Variants in STXBP4 observed in about 807,000 individuals in gnomAD.
STXBP4 encodes syntaxin-binding protein 4.
STXBP4 carries 55 observed loss-of-function variants against 76.1 expected under a neutral mutation model. The observed-to-expected ratio is 0.72, with a 90% CI of 0.58 to 0.91. The LOEUF is 0.91. Among genes scored for constraint, STXBP4 ranks in the 40% least tolerant of loss-of-function variants. The pLI is 0.00. For synonymous variants in STXBP4, 201 were observed against 220.2 expected (o/e 0.91, Z 0.77); for missense variants, 618 against 636.9 (o/e 0.97, Z 0.32).
intron 1 of STXBP4, among the ~76,000 whole-genome samples, chr17:54,981,977 A>G (rs1238108178): frequency 6.6e-6 from 1 of 152,226 alleles, no homozygotes; most frequent in African/African-American, 2.4e-5. Context: ...ATTTTCATCA[A>G]TAAAACTGGC....
At chr17:55,068,452 A>G (rs990446482) in intron 12 of STXBP4, among the ~76,000 whole-genome samples, 9 of 152,140 alleles carry the variant, frequency 5.9e-5, no homozygotes, top group African/African-American at 2.2e-4. Flanking sequence ...TCCTTCTACT[A>G]TAGGGAGCCA....
chr17:55,147,956 A>C (rs2080175380), intron 17 of STXBP4, among the ~76,000 whole-genome samples: 1 of 152,202 alleles, frequency 6.6e-6, no homozygotes, highest in Non-Finnish European at 1.5e-5. Context: ...TCTAGAGTGT[A>C]TTGCTAGCAC....
chr17:55,038,388 A>G (rs1360230942), intron 10 of STXBP4, among the ~76,000 whole-genome samples: 1 of 152,060 alleles, frequency 6.6e-6, no homozygotes, highest in African/African-American at 2.4e-5. Flanking sequence ...TTCATAATAA[A>G]TAGAATTATA....
chr17:55,050,576 A>T (rs1598266125), intron 12 of STXBP4, among the ~76,000 whole-genome samples: 1 of 152,304 alleles, frequency 6.6e-6, no homozygotes, highest in East Asian at 1.9e-4. Context: ...GAGAATGAAC[A>T]TCATCAGACA....
Position 55,166,896 on chromosome 17 carries a change from G to C in STXBP4, c.*6985G>C, listed in dbSNP as rs1235296018. The C allele has an allele frequency of 1.3e-5, 2 of 152,232 alleles. No individual in the cohort carries two copies. Among genetic ancestry groups the C allele is most frequent in the Non-Finnish European group, 1.5e-5 (1 of 68,074 alleles). The allele number at this position is 152,232 out of a possible 1,614,324, so 9.4% of individuals were successfully genotyped here. On this transcript the variant is annotated 3_prime_UTR_variant, in exon 18 of 18. Transcript: ENST00000376352. ...TTTCTCCATGTGGTAATGAAAACCG[G>C]AACTCTGGTTAAAGCTAAGTGGTCT...
the STXBP4 span, among the ~76,000 whole-genome samples, chr17:55,208,900 G>A: frequency 1.3e-5 from 2 of 151,348 alleles, no homozygotes; most frequent in African/African-American, 2.4e-5. Flanking sequence ...TGGCCAACAT[G>A]GTAAAACTCT....
intron 16 of STXBP4, among the ~76,000 whole-genome samples, chr17:55,084,862 T>C (rs542713552): frequency 2.9e-4 from 44 of 152,240 alleles, no homozygotes; most frequent in African/African-American, 9.6e-4. Context: ...GGTACCAGTA[T>C]ATAACCAAAG....
In STXBP4 at chr17:55,124,182, C is replaced by T. The variant is rs1226573843; in HGVS notation, c.1490-17128C>T. 5.9e-5 allele frequency among the ~76,000 whole-genome samples: 9 copies of T among 152,034 alleles called. No individual in the cohort carries two copies. The East Asian group carries it at 1.5e-3, about 26-fold the overall frequency. On this transcript the variant is annotated intron_variant, in intron 16 of 17. Transcript: ENST00000376352. The stretch of plus-strand genomic sequence containing the variant: ...ATAGGAAAACAGCATTATATGGGGA[C>T]TTGGGAGAATGAGATGGAGGTCCAA...
intron 12 of STXBP4, among the ~76,000 whole-genome samples, chr17:55,063,631 C>T (rs2079018471): frequency 6.6e-6 from 1 of 152,086 alleles, no homozygotes. Flanking sequence ...GAATGCTAAA[C>T]ATACAGTTCT....
the STXBP4 span, among the ~76,000 whole-genome samples, chr17:55,211,766 T>C: frequency 6.6e-6 from 1 of 151,196 alleles, no homozygotes; most frequent in Non-Finnish European, 1.5e-5. Context: ...ACCTACAAAT[T>C]AGTTTGGGGA....
chr17:55,061,400 C>T (rs1177705410), intron 12 of STXBP4, among the ~76,000 whole-genome samples: 1 of 152,044 alleles, frequency 6.6e-6, no homozygotes, highest in Non-Finnish European at 1.5e-5. Context: ...TAAATTTTTA[C>T]TAGTTTTTCA....
the STXBP4 span, among the ~76,000 whole-genome samples, chr17:55,191,840 G>C: frequency 6.6e-6 from 1 of 152,096 alleles, no homozygotes; most frequent in Non-Finnish European, 1.5e-5. Flanking sequence ...GTCAAACAAG[G>C]CTTCCCCCAA....
At chr17:54,999,543 AT>A (rs2077872654) in intron 5 of STXBP4, 88 bp from the exon 6 acceptor site, 5 of 1,447,960 alleles carry the variant, frequency 3.5e-6, no homozygotes, top group East Asian at 4.8e-5. Context: ...TATAATAAGT[AT>A]TTTTTAATAA....
At chr17:55,159,618 G>A (rs924461422) in intron 17 of STXBP4, among the ~76,000 whole-genome samples, 179 bp from the exon 18 acceptor site, 30 of 152,284 alleles carry the variant, frequency 2.0e-4, no homozygotes, top group African/African-American at 6.7e-4. Context: ...AGAAAGAAAT[G>A]GTTTTCATTG....
the STXBP4 span, among the ~76,000 whole-genome samples, chr17:55,203,775 T>G: frequency 1.3e-5 from 2 of 152,204 alleles, no homozygotes; most frequent in South Asian, 4.1e-4. Flanking sequence ...TATTTCATTA[T>G]CTTCTGGCTT....
chr17:55,027,970 A>T (rs1395401677), intron 8 of STXBP4, among the ~76,000 whole-genome samples: 1 of 152,078 alleles, frequency 6.6e-6, no homozygotes, highest in Non-Finnish European at 1.5e-5. Context: ...TAAAAAATTC[A>T]TGGGAATAGT....
intron 8 of STXBP4, among the ~76,000 whole-genome samples, chr17:55,007,941 A>G (rs913990816): frequency 1.8e-4 from 27 of 152,348 alleles, no homozygotes; most frequent in African/African-American, 6.5e-4. Flanking sequence ...TCATAATGGC[A>G]ATAAACACAA....
chr17:55,005,080 T>C (rs2077984521), intron 7 of STXBP4, among the ~76,000 whole-genome samples: 1 of 152,240 alleles, frequency 6.6e-6, no homozygotes, highest in African/African-American at 2.4e-5. Flanking sequence ...GATTGCATAT[T>C]GTTAAATGAA....
At chr17:55,072,633 C>A (rs986503640) in intron 12 of STXBP4, among the ~76,000 whole-genome samples, 19 of 152,140 alleles carry the variant, frequency 1.2e-4, no homozygotes, top group African/African-American at 4.6e-4. Context: ...TTTCAACTAT[C>A]TTCTACTTCC....
Sources: gnomAD v4.1 joint callset for allele counts (sites outside exome capture counted in the v4.1 genomes callset) on GRCh38, gnomAD v4.1.1 for gene constraint, MANE v1.5 for transcripts, NCBI Gene and HGNC (gene_info 2026-07-23, HGNC 2026-07-21) for gene names.